The following ABCC1 variants were observed in gnomAD, a reference collection of about 807,000 sequenced individuals.
The protein encoded by ABCC1 is ATP binding cassette subfamily C member 1 (ABCC1 blood group).
A neutral mutation model predicts 172.9 loss-of-function variants in ABCC1; 83 were observed. The ratio of observed to expected loss-of-function variants is 0.48; its 90% CI spans 0.40 to 0.58. The LOEUF (loss-of-function observed/expected upper bound fraction) is 0.58, where lower values mean the gene tolerates loss of function less well. Ranked by LOEUF, ABCC1 falls within the 20% of genes least tolerant of loss-of-function variation. The pLI, the probability that ABCC1 is intolerant of heterozygous loss-of-function variation, is 0.00. For missense variants in ABCC1, 1,817 were observed against 2,002.7 expected, an observed-to-expected ratio of 0.91 and a Z score of 1.77; for synonymous variants, 937 against 825.2, an observed-to-expected ratio of 1.14 and a Z score of -2.32.
intron 1 of ABCC1, among the ~76,000 whole-genome samples, chr16:16,005,069 CTTTTT>C (rs36027088): frequency 4.5e-5 from 6 of 134,468 alleles, no homozygotes; most frequent in Admixed American, 1.6e-4. Flanking sequence ...TCATTTTTAA[CTTTTT>C]TTTTTTTTTG....
chr16:15,952,630 G>A (rs1332102958), intron 1 of ABCC1, among the ~76,000 whole-genome samples: 1 of 150,738 alleles, frequency 6.6e-6, no homozygotes, highest in Non-Finnish European at 1.5e-5. Context: ...TTTCTCATGG[G>A]GGTGGGACTG....
At chr16:16,117,633 C>T (rs774684790) in intron 23 of ABCC1, among the ~76,000 whole-genome samples, 17 of 152,180 alleles carry the variant, frequency 1.1e-4, no homozygotes, top group Admixed American at 3.9e-4. Context: ...GGCCTAGGCA[C>T]GGTGGCTCAC....
chr16:15,992,555 C>T (rs999171740), intron 1 of ABCC1, among the ~76,000 whole-genome samples: 7 of 152,206 alleles, frequency 4.6e-5, no homozygotes, highest in African/African-American at 9.6e-5. Flanking sequence ...ACAATGGCAC[C>T]GTGCCTGGCT....
intron 26 of ABCC1, among the ~76,000 whole-genome samples, chr16:16,130,625 G>C (rs548072743): frequency 6.6e-6 from 1 of 152,096 alleles, no homozygotes; most frequent in African/African-American, 2.4e-5. Flanking sequence ...CTAAAGATAT[G>C]GATAAGATAT....
At chr16:16,119,722 T>C (rs1334095161) in intron 23 of ABCC1, among the ~76,000 whole-genome samples, 3 of 152,066 alleles carry the variant, frequency 2.0e-5, no homozygotes, top group Non-Finnish European at 4.4e-5. Context: ...TGAACAAATA[T>C]TCATCTCAGG....
At chr16:16,100,355 G>A (rs2051673617) in intron 19 of ABCC1, among the ~76,000 whole-genome samples, 1 of 9,058 alleles carries the variant, frequency 1.1e-4, no homozygotes, top group Admixed American at 2.2e-3. Flanking sequence ...GAGGCTGCTG[G>A]TAGGAGAGCG....
At chr16:15,950,987 C>T (rs1446878910) in intron 1 of ABCC1, among the ~76,000 whole-genome samples, 1 of 152,076 alleles carries the variant, frequency 6.6e-6, no homozygotes, top group Non-Finnish European at 1.5e-5. Context: ...TTTGATATAT[C>T]TCCCATTTTA....
Position 16,112,609 on chromosome 16 carries a change from C to T in ABCC1, c.3079+1027C>T, listed in dbSNP as rs186466336. Among the ~76,000 whole-genome samples, 12 of 152,318 alleles carry T rather than the reference C, an allele frequency of 7.9e-5. No homozygotes were observed. In the East Asian group the frequency reaches 1.9e-3, roughly 24 times the overall value. On this transcript the variant is annotated intron_variant, in intron 22 of 30. Transcript: ENST00000399410. ...AAACTGAGGCCCGGAGAGGTTGAGT[C>T]AGTTGCCAAAAGTCACACAGCTAAT...
At chr16:16,074,321 C>G (rs2050470865) in intron 14 of ABCC1, among the ~76,000 whole-genome samples, 1 of 152,174 alleles carries the variant, frequency 6.6e-6, no homozygotes, top group Non-Finnish European at 1.5e-5. Flanking sequence ...GACTCTTCCT[C>G]CCAACACTCC....
At chr16:16,003,622 A>G (rs1303256555) in intron 1 of ABCC1, among the ~76,000 whole-genome samples, 1,687 of 98,794 alleles carry the variant, frequency 0.017, 12 homozygotes, top group Middle Eastern at 0.028. Flanking sequence ...GTGGATGTAT[A>G]AATGAATTGG....
At chr16:16,086,020 A>T (rs915666018) in intron 17 of ABCC1, among the ~76,000 whole-genome samples, 1 of 152,128 alleles carries the variant, frequency 6.6e-6, no homozygotes, top group African/African-American at 2.4e-5. Context: ...TGCTTCACCT[A>T]TATGTGGCTT....
At chr16:16,074,183 A>G (rs12929883) in intron 14 of ABCC1, among the ~76,000 whole-genome samples, 66,474 of 151,786 alleles carry the variant, frequency 0.44, 15,668 homozygotes, top group Non-Finnish European at 0.53. Context: ...GCAACCCTGG[A>G]CTCTACCCAT....
chr16:15,992,705 A>G (rs541837104), intron 1 of ABCC1, among the ~76,000 whole-genome samples: 3 of 152,250 alleles, frequency 2.0e-5, no homozygotes, highest in East Asian at 1.9e-4. Context: ...CTGGCCAGGG[A>G]CCACTGTCTT....
In ABCC1 at chr16:16,076,374, C is replaced by T. The variant is rs372052336; in HGVS notation, c.1961C>T (p.Ala654Val). The change falls in exon 15 of 31, where the codon GCC becomes GTC. Residue 654 changes from alanine (A) to valine (V), a missense_variant. Physicochemically the swap from Ala to Val is moderately conservative, Grantham distance 64. Coordinates refer to ENST00000399410, the MANE Select transcript of ABCC1 (RefSeq NM_004996.4). ...GTGAGGAATGCCACATTCACCTGGG[C>T]CAGGAGCGACCCTCCCACACTGAAT... Reference protein sequence around the residue: ...ITVRNATFTWARSDPPTLNGI... With the variant: ...ITVRNATFTWVRSDPPTLNGI... 29 of 1,611,214 alleles carry T rather than the reference C, an allele frequency of 1.8e-5. No homozygotes were observed. The highest frequency in any genetic ancestry group is 2.2e-5 in the Non-Finnish European group (26 of 1,178,844).
At chr16:16,074,877 C>T (rs998399866) in intron 14 of ABCC1, among the ~76,000 whole-genome samples, 1 of 152,012 alleles carries the variant, frequency 6.6e-6, no homozygotes, top group Non-Finnish European at 1.5e-5. Flanking sequence ...AAAAAATACT[C>T]CTGTATTATC....
At chr16:16,065,318 G>A (rs531733647) in intron 12 of ABCC1, among the ~76,000 whole-genome samples, 2 of 152,196 alleles carry the variant, frequency 1.3e-5, no homozygotes, top group Admixed American at 1.3e-4. Flanking sequence ...GCTGGTGCGG[G>A]GGCACAGTAA....
At chr16:16,006,297 G>A (rs1206969499) in intron 1 of ABCC1, among the ~76,000 whole-genome samples, 2 of 152,066 alleles carry the variant, frequency 1.3e-5, no homozygotes, top group Non-Finnish European at 1.5e-5. Flanking sequence ...GTGCACACCT[G>A]TAGTATAGCT....
intron 5 of ABCC1, among the ~76,000 whole-genome samples, chr16:16,032,533 C>T (rs549005689): frequency 3.9e-5 from 6 of 151,968 alleles, no homozygotes; most frequent in South Asian, 4.2e-4. Flanking sequence ...GTTGGATGAA[C>T]GAATGAATGA....
chr16:16,057,691 A>C (rs1337055813), intron 12 of ABCC1, among the ~76,000 whole-genome samples: 3 of 152,180 alleles, frequency 2.0e-5, no homozygotes, highest in African/African-American at 7.2e-5. Context: ...TATAAATGGA[A>C]TCATACTGTA....
Sources: gnomAD v4.1 joint callset for allele counts (sites outside exome capture counted in the v4.1 genomes callset) on GRCh38, gnomAD v4.1.1 for gene constraint, MANE v1.5 for transcripts, NCBI Gene and HGNC (gene_info 2026-07-23, HGNC 2026-07-21) for gene names.